NR1H4: variants seen among roughly 807,000 people sequenced by gnomAD.
NR1H4 encodes bile acid receptor.
Under a neutral mutation model 58.5 loss-of-function variants are expected in NR1H4, and 23 were observed. That is an observed-to-expected ratio of 0.39 (90% CI 0.28 to 0.56). The LOEUF (loss-of-function observed/expected upper bound fraction) is 0.56, where lower values mean the gene tolerates loss of function less well. Ranked by LOEUF, NR1H4 falls within the 20% of genes least tolerant of loss-of-function variation. The pLI is 0.58. For synonymous variants in NR1H4, 214 were observed against 198.0 expected, an observed-to-expected ratio of 1.08 and a Z score of -0.68; for missense variants, 487 against 576.9, an observed-to-expected ratio of 0.84 and a Z score of 1.60.
chr12:100,552,257 T>C (rs1253379653), intron 9 of NR1H4, among the ~76,000 whole-genome samples: 1 of 152,202 alleles, frequency 6.6e-6, no homozygotes, highest in African/African-American at 2.4e-5. Context: ...GGCCGGATAG[T>C]TTTTAGCCAC....
rs777107561 is a variant in NR1H4, at chr12:100,563,448, A to C, written c.1390A>C (p.Lys464Gln). Residue 464 changes from lysine (K) to glutamine (Q), a missense_variant, in exon 11 of 11, where the codon AAG (lysine) becomes CAG (glutamine). Physicochemically the swap from Lys to Gln is moderately conservative, Grantham distance 53. Coordinates refer to ENST00000392986, the MANE Select transcript of NR1H4 (RefSeq NM_001206979.2). ...MLMSWRVNDH[K>Q]FTPLLCEIWD... The stretch of plus-strand genomic sequence containing the variant: ...GATGTCATGGAGAGTAAACGACCAC[A>C]AGTTTACCCCACTTCTCTGTGAAAT... The C allele has an allele frequency of 7.4e-6, 12 of 1,614,138 alleles. No homozygotes were observed. The highest frequency in any genetic ancestry group is 1.0e-5 in the Non-Finnish European group (12 of 1,180,000).
intron 9 of NR1H4, among the ~76,000 whole-genome samples, chr12:100,552,066 T>TGGAAGA (rs1955215780): frequency 6.6e-6 from 1 of 152,228 alleles, no homozygotes; most frequent in South Asian, 2.1e-4. Context: ...GAGAGTTAAC[T>TGGAAGA]GTATCTGCTT....
intron 1 of NR1H4, among the ~76,000 whole-genome samples, chr12:100,483,514 T>A (rs1265431119): frequency 1.3e-5 from 2 of 152,214 alleles, no homozygotes; most frequent in Non-Finnish European, 2.9e-5. Context: ...GCAGCCATCC[T>A]TGTTGGCCAT....
intron 6 of NR1H4, among the ~76,000 whole-genome samples, chr12:100,535,351 A>G (rs1954791184): frequency 6.6e-6 from 1 of 152,222 alleles, no homozygotes; most frequent in Non-Finnish European, 1.5e-5. Flanking sequence ...TTGAGAAGAC[A>G]GTCTCAAACT....
At chr12:100,503,571 G>C in intron 3 of NR1H4, 1 of 1,396,652 alleles carries the variant, frequency 7.2e-7, no homozygotes, top group Non-Finnish European at 9.5e-7. Flanking sequence ...ACTTTGGTTG[G>C]AGATGACAGT....
chr12:100,528,752 G>A (rs867121412), intron 4 of NR1H4, among the ~76,000 whole-genome samples: 2 of 152,182 alleles, frequency 1.3e-5, no homozygotes, highest in Non-Finnish European at 2.9e-5. Flanking sequence ...TTCAGCTATT[G>A]AGATGATAAT....
intron 4 of NR1H4, among the ~76,000 whole-genome samples, chr12:100,520,586 A>G (rs1954389731): frequency 6.6e-6 from 1 of 152,210 alleles, no homozygotes; most frequent in South Asian, 2.1e-4. Context: ...CTAACTCCAG[A>G]GACGGGGCTT....
At chr12:100,538,842 A>C (rs1304989740) in intron 8 of NR1H4, among the ~76,000 whole-genome samples, 2 of 152,224 alleles carry the variant, frequency 1.3e-5, no homozygotes, top group Non-Finnish European at 2.9e-5. Flanking sequence ...ACTATCATTG[A>C]AACACTAATA....
At chr12:100,548,851 A>G (rs1298084988) in intron 9 of NR1H4, among the ~76,000 whole-genome samples, 1 of 152,168 alleles carries the variant, frequency 6.6e-6, no homozygotes, top group Non-Finnish European at 1.5e-5. Flanking sequence ...AAAAATAAAG[A>G]GTGCTTAAAC....
chr12:100,541,041 C>T (rs960944662), intron 9 of NR1H4, among the ~76,000 whole-genome samples: 1 of 152,120 alleles, frequency 6.6e-6, no homozygotes, highest in African/African-American at 2.4e-5. Context: ...CCCTTTACTG[C>T]ACTAAGATGA....
At chr12:100,561,189 G>A (rs2136324306) in intron 9 of NR1H4, among the ~76,000 whole-genome samples, 1 of 152,178 alleles carries the variant, frequency 6.6e-6, no homozygotes, top group African/African-American at 2.4e-5. Flanking sequence ...GAGGTCAGGA[G>A]ATCAAGACCA....
chr12:100,561,629 G>A (rs1469555342), intron 9 of NR1H4, among the ~76,000 whole-genome samples: 2 of 152,116 alleles, frequency 1.3e-5, no homozygotes, highest in African/African-American at 4.8e-5. Flanking sequence ...TATTAGTAGT[G>A]ACTGAAACAA....
intron 4 of NR1H4, among the ~76,000 whole-genome samples, chr12:100,519,327 T>C (rs1954352392): frequency 6.6e-6 from 1 of 152,030 alleles, no homozygotes; most frequent in African/African-American, 2.4e-5. Context: ...GGGAGGGTTG[T>C]GGAGGGATTG....
intron 4 of NR1H4, among the ~76,000 whole-genome samples, chr12:100,529,757 A>G (rs1018297442): frequency 6.6e-6 from 1 of 152,158 alleles, no homozygotes; most frequent in African/African-American, 2.4e-5. Context: ...ACTCTTAATT[A>G]ATCAGGTTCA....
At chr12:100,538,020 C>T (rs948307431) in intron 8 of NR1H4, among the ~76,000 whole-genome samples, 8 of 152,018 alleles carry the variant, frequency 5.3e-5, no homozygotes, top group African/African-American at 1.7e-4. Context: ...GAGAAATCTG[C>T]TTGTTATAAG....
chr12:100,488,487 A>C lies in NR1H4; in HGVS notation c.-189-4016A>C, dbSNP rs1025723005. 3.9e-5 allele frequency among the ~76,000 whole-genome samples: 6 copies of C among 152,258 alleles called. No individual in the cohort carries two copies. The East Asian group carries it at 1.2e-3, about 29-fold the overall frequency. ...AAAGTAAATCCTGAAATTTTAAAAAAATGTTTAAAATCTTAAAGTCATTAG... is the reference window on the plus strand; with the variant it reads ...AAAGTAAATCCTGAAATTTTAAAAACATGTTTAAAATCTTAAAGTCATTAG... On this transcript the variant is annotated intron_variant, in intron 1 of 10. Transcript: ENST00000392986.
intron 3 of NR1H4, among the ~76,000 whole-genome samples, chr12:100,500,827 C>T (rs1953817251): frequency 6.6e-6 from 1 of 152,132 alleles, no homozygotes. Flanking sequence ...CTGAGACTTC[C>T]CCAGCCATGC....
chr12:100,553,409 C>G (rs1486635906), intron 9 of NR1H4, among the ~76,000 whole-genome samples: 1 of 152,174 alleles, frequency 6.6e-6, no homozygotes, highest in Non-Finnish European at 1.5e-5. Context: ...GTAACTAATT[C>G]TGCTTCTCTG....
chr12:100,513,584 C>CA (rs1295501883), intron 4 of NR1H4, among the ~76,000 whole-genome samples: 2 of 152,146 alleles, frequency 1.3e-5, no homozygotes, highest in Admixed American at 6.5e-5. Flanking sequence ...CACCTAAGGT[C>CA]AGGAGTTCAA....
Sources: allele counts gnomAD v4.1 joint callset (sites outside exome capture counted in the v4.1 genomes callset), GRCh38; gene constraint gnomAD v4.1.1; transcripts MANE v1.5; gene names NCBI Gene and HGNC (gene_info 2026-07-23, HGNC 2026-07-21).